PRKCE: variants seen among roughly 807,000 people sequenced by gnomAD.
PRKCE encodes the protein protein kinase C epsilon type.
A neutral mutation model predicts 85.4 loss-of-function variants in PRKCE; 16 were observed. The ratio of observed to expected loss-of-function variants is 0.19; its 90% CI spans 0.13 to 0.28. The LOEUF is 0.28. Among genes scored for constraint, PRKCE ranks in the 10% least tolerant of loss-of-function variants. The pLI, the probability that PRKCE is intolerant of heterozygous loss-of-function variation, is 1.00. For missense variants in PRKCE, 573 were observed against 975.2 expected (o/e 0.59, Z 5.49); for synonymous variants, 388 against 371.5 (o/e 1.04, Z -0.51).
At chr2:45,710,274 A>ACG (rs1679509277) in intron 1 of PRKCE, among the ~76,000 whole-genome samples, 1 of 151,712 alleles carries the variant, frequency 6.6e-6, no homozygotes, top group South Asian at 2.1e-4. Flanking sequence ...TAAGGAACAC[A>ACG]TCCCCAGTTT....
intron 2 of PRKCE, among the ~76,000 whole-genome samples, chr2:45,966,055 C>G (rs1414314146): frequency 1.3e-5 from 2 of 152,066 alleles, no homozygotes; most frequent in Admixed American, 6.6e-5. Flanking sequence ...ACAAGTGGGA[C>G]TAGGCTATTT....
rs547841771 is a variant in PRKCE, at chr2:46,140,445, G to A, written c.1593-4648G>A. Among the ~76,000 whole-genome samples, 138 of 152,250 alleles carry A rather than the reference G, an allele frequency of 9.1e-4. 1 individual carries two copies. Among genetic ancestry groups the A allele is most frequent in the African/African-American group, 3.1e-3 (128 of 41,550 alleles). ...GTGAGGAAAAGATGACCTATTCAAC[G>A]TAAGGGACTGGGACAACTTACTAAG... On this transcript the variant is annotated intron_variant, in intron 11 of 14. Coordinates refer to ENST00000306156, the MANE Select transcript of PRKCE (RefSeq NM_005400.3).
intron 11 of PRKCE, among the ~76,000 whole-genome samples, chr2:46,117,410 G>A (rs911576179): frequency 6.6e-6 from 1 of 152,204 alleles, no homozygotes; most frequent in Non-Finnish European, 1.5e-5. Flanking sequence ...CCAAAATAAT[G>A]TAAGCCTGTA....
At chr2:46,028,542 T>C (rs551303310) in intron 10 of PRKCE, among the ~76,000 whole-genome samples, 1 of 152,320 alleles carries the variant, frequency 6.6e-6, no homozygotes, top group African/African-American at 2.4e-5. Flanking sequence ...GCACTCACTG[T>C]GCTGCCCTCC....
chr2:46,169,540 G>T (rs1389433964), intron 14 of PRKCE, among the ~76,000 whole-genome samples: 1 of 152,178 alleles, frequency 6.6e-6, no homozygotes, highest in African/African-American at 2.4e-5. Flanking sequence ...GCGTGGAAGA[G>T]GGTGGCAAAT....
At chr2:45,731,304 A>G (rs1489264638) in intron 1 of PRKCE, among the ~76,000 whole-genome samples, 1 of 152,216 alleles carries the variant, frequency 6.6e-6, no homozygotes, top group African/African-American at 2.4e-5. Context: ...GAGCAGCTCC[A>G]TTCCTTGTGG....
chr2:45,881,928 G>A (rs1212651320), intron 2 of PRKCE, among the ~76,000 whole-genome samples: 1 of 152,200 alleles, frequency 6.6e-6, no homozygotes. Context: ...AGCTCTGTGT[G>A]TTGTCATGAC....
At chr2:45,800,431 G>A (rs1483267675) in intron 1 of PRKCE, among the ~76,000 whole-genome samples, 1 of 152,262 alleles carries the variant, frequency 6.6e-6, no homozygotes, top group Non-Finnish European at 1.5e-5. Context: ...GCCAGGGCTG[G>A]AGTGGCTGGA....
chr2:45,693,036 G>A (rs1677863547), intron 1 of PRKCE, among the ~76,000 whole-genome samples: 1 of 152,272 alleles, frequency 6.6e-6, no homozygotes, highest in South Asian at 2.1e-4. Flanking sequence ...TCTGCAGGGG[G>A]CCAAGGTGGC....
intron 2 of PRKCE, among the ~76,000 whole-genome samples, chr2:45,930,681 A>G (rs1380709583): frequency 6.6e-6 from 1 of 152,248 alleles, no homozygotes; most frequent in East Asian, 1.9e-4. Context: ...TATTGCACCT[A>G]GAATCCACTT....
At chr2:45,880,275 C>T (rs1343560535) in intron 2 of PRKCE, among the ~76,000 whole-genome samples, 1 of 152,230 alleles carries the variant, frequency 6.6e-6, no homozygotes, top group African/African-American at 2.4e-5. Flanking sequence ...TGTTATCAGA[C>T]ACCTTGGTTG....
chr2:45,749,017 G>C (rs1258961632), intron 1 of PRKCE, among the ~76,000 whole-genome samples: 14 of 151,870 alleles, frequency 9.2e-5, no homozygotes, highest in Non-Finnish European at 1.5e-5. Context: ...AGCCTCCTAA[G>C]TAGCTGGAAT....
chr2:45,759,394 C>A (rs1055012202), intron 1 of PRKCE, among the ~76,000 whole-genome samples: 1 of 152,160 alleles, frequency 6.6e-6, no homozygotes, highest in Non-Finnish European at 1.5e-5. Context: ...CCAGATGGCT[C>A]CGATTTATCC....
chr2:46,108,380 T>C (rs1347095302), intron 11 of PRKCE, among the ~76,000 whole-genome samples: 1 of 152,202 alleles, frequency 6.6e-6, no homozygotes, highest in East Asian at 1.9e-4. Flanking sequence ...TTGGAGGCCA[T>C]TGTCTTAAGT....
rs150955532 is a variant in PRKCE, at chr2:46,001,901, C to G, written c.966+355C>G. Among the ~76,000 whole-genome samples, 55 of 152,338 alleles carry G rather than the reference C, an allele frequency of 3.6e-4. No homozygotes were observed. In the South Asian group the frequency reaches 6.2e-3, roughly 17 times the overall value. On this transcript the variant is annotated intron_variant, in intron 7 of 14. Coordinates refer to ENST00000306156, the MANE Select transcript of PRKCE (RefSeq NM_005400.3). The surrounding 1 kb of genome is among the most constrained non-coding windows in gnomAD (Gnocchi z 4.4). Reference sequence around the variant, plus strand: ...ACTGGCATGAAAGCAATGTCAGTGTCTGAACTTCACCCTTGGTATCATTAT... The same window carrying G: ...ACTGGCATGAAAGCAATGTCAGTGTGTGAACTTCACCCTTGGTATCATTAT...
intron 11 of PRKCE, among the ~76,000 whole-genome samples, chr2:46,090,574 G>T (rs763237639): frequency 2.0e-5 from 3 of 152,060 alleles, no homozygotes; most frequent in Non-Finnish European, 2.9e-5. Flanking sequence ...CTAATCCAGT[G>T]GATTGCTACC....
intron 2 of PRKCE, among the ~76,000 whole-genome samples, chr2:45,912,320 T>C (rs1697441764): frequency 6.6e-6 from 1 of 152,098 alleles, no homozygotes; most frequent in African/African-American, 2.4e-5. Context: ...GGCCCCAGGA[T>C]CCACATCTCT....
At chr2:46,179,398 A>G (rs1395461674) in intron 14 of PRKCE, among the ~76,000 whole-genome samples, 1 of 152,032 alleles carries the variant, frequency 6.6e-6, no homozygotes, top group African/African-American at 2.4e-5. Context: ...TAGGCCTCAG[A>G]GCTGCCTGAG....
chr2:46,178,521 T>C (rs1679657556), intron 14 of PRKCE, among the ~76,000 whole-genome samples: 1 of 152,250 alleles, frequency 6.6e-6, no homozygotes, highest in African/African-American at 2.4e-5. Flanking sequence ...TTCATTTAAC[T>C]TCACACATCA....
Sources: allele counts gnomAD v4.1 joint callset (sites outside exome capture counted in the v4.1 genomes callset), GRCh38; gene constraint gnomAD v4.1.1; non-coding constraint Gnocchi (gnomAD v3.1); transcripts MANE v1.5; gene names NCBI Gene and HGNC (gene_info 2026-07-23, HGNC 2026-07-21).